ZNF560: variants seen among roughly 807,000 people sequenced by gnomAD.
The protein encoded by ZNF560 is zinc finger protein 560.
Under a neutral mutation model 81.8 loss-of-function variants are expected in ZNF560, and 54 were observed. That is an observed-to-expected ratio of 0.66 (90% CI 0.53 to 0.83). The LOEUF (loss-of-function observed/expected upper bound fraction) is 0.83. Among genes scored for constraint, ZNF560 ranks in the 40% least tolerant of loss-of-function variants. ZNF560 has a pLI of 0.00. For missense variants in ZNF560, 940 were observed against 932.4 expected, an observed-to-expected ratio of 1.01 and a Z score of -0.11; for synonymous variants, 321 against 317.9, an observed-to-expected ratio of 1.01 and a Z score of -0.10.
At chr19:9,485,478 G>T (rs1030718676) in intron 2 of ZNF560, among the ~76,000 whole-genome samples, 2 of 146,548 alleles carry the variant, frequency 1.4e-5, no homozygotes, top group Non-Finnish European at 3.0e-5. Flanking sequence ...CTGCACTCCA[G>T]CCTGGACGAC....
At chr19:9,460,584 G>T in the ZNF560 span, among the ~76,000 whole-genome samples, 1 of 152,074 alleles carries the variant, frequency 6.6e-6, no homozygotes, top group Non-Finnish European at 1.5e-5. Flanking sequence ...ATTTCTTTAG[G>T]ATTTAAGCAT....
chr19:9,488,593 A>G (rs1192326542), intron 2 of ZNF560, among the ~76,000 whole-genome samples: 1 of 152,030 alleles, frequency 6.6e-6, no homozygotes, highest in African/African-American at 2.4e-5. Flanking sequence ...ATACAACATA[A>G]TGCAAGAGAA....
chr19:9,472,354 G>A (rs1271284729), intron 5 of ZNF560, among the ~76,000 whole-genome samples: 1 of 152,150 alleles, frequency 6.6e-6, no homozygotes, highest in East Asian at 1.9e-4. Flanking sequence ...CGGAGCCATG[G>A]ACCAGAACCA....
the ZNF560 span, among the ~76,000 whole-genome samples, chr19:9,460,124 A>G: frequency 6.6e-6 from 1 of 152,192 alleles, no homozygotes; most frequent in African/African-American, 2.4e-5. Flanking sequence ...TGCCATCGAG[A>G]TATCTAAAGC....
chr19:9,446,043 C>G, the ZNF560 span, among the ~76,000 whole-genome samples: 1 of 151,926 alleles, frequency 6.6e-6, no homozygotes, highest in Non-Finnish European at 1.5e-5. Context: ...TAGAAACCAC[C>G]CCTCCCACCC....
At chr19:9,462,203 C>T (rs1361236788), downstream of ZNF560, among the ~76,000 whole-genome samples, 2 of 152,184 alleles carry the variant, frequency 1.3e-5, no homozygotes, top group Non-Finnish European at 2.9e-5. Context: ...GTGACATGCT[C>T]GTGATGGTTA....
At chr19:9,502,984 CT>C (rs1164003816), upstream of ZNF560, among the ~76,000 whole-genome samples, 3 of 151,924 alleles carry the variant, frequency 2.0e-5, no homozygotes, top group Admixed American at 6.6e-5. Flanking sequence ...TTCCTTTCTT[CT>C]GTTAGATTAG....
At chr19:9,489,568 G>T (rs1311708604) in intron 2 of ZNF560, among the ~76,000 whole-genome samples, 1 of 152,178 alleles carries the variant, frequency 6.6e-6, no homozygotes, top group Non-Finnish European at 1.5e-5. Flanking sequence ...ACAGTTGGGT[G>T]GCCGGGAACT....
At chr19:9,504,652 G>A in the ZNF560 span, among the ~76,000 whole-genome samples, 2 of 152,106 alleles carry the variant, frequency 1.3e-5, no homozygotes, top group Non-Finnish European at 2.9e-5. Context: ...TATTAAAAGT[G>A]TCATATATAA....
At chr19:9,496,089 C>A (rs529063514) in intron 2 of ZNF560, among the ~76,000 whole-genome samples, 1 of 152,272 alleles carries the variant, frequency 6.6e-6, no homozygotes, top group Admixed American at 6.5e-5. Flanking sequence ...TAGTAATACA[C>A]TTATAAAAAT....
the ZNF560 span, among the ~76,000 whole-genome samples, chr19:9,446,396 A>ACACACACG: frequency 1.4e-5 from 2 of 142,508 alleles, no homozygotes; most frequent in African/African-American, 5.9e-5. Context: ...ACACACACAC[A>ACACACACG]CACACACACA....
chr19:9,455,076 T>A, the ZNF560 span, among the ~76,000 whole-genome samples: 1 of 152,242 alleles, frequency 6.6e-6, no homozygotes, highest in East Asian at 1.9e-4. Context: ...CGCCCTCAGT[T>A]CTATTCAGGC....
intron 3 of ZNF560, 21 bp from the exon 4 acceptor site, chr19:9,474,346 T>G: frequency 6.3e-7 from 1 of 1,595,382 alleles, no homozygotes; most frequent in Non-Finnish European, 8.5e-7. Flanking sequence ...ACATACATGT[T>G]GATTTGAGCC....
chr19:9,478,033 A>G (rs2073229623), intron 2 of ZNF560, among the ~76,000 whole-genome samples: 1 of 152,218 alleles, frequency 6.6e-6, no homozygotes, highest in East Asian at 1.9e-4. Flanking sequence ...ATCCATACTC[A>G]GGAAGGGCAA....
At chr19:9,483,644 G>A (rs1414375170) in intron 2 of ZNF560, among the ~76,000 whole-genome samples, 1 of 138,244 alleles carries the variant, frequency 7.2e-6, no homozygotes, top group African/African-American at 2.7e-5. Flanking sequence ...CCAGCCCCCC[G>A]CCGGCCAGCC....
chr19:9,473,574 A>G (rs1445723819), intron 4 of ZNF560, among the ~76,000 whole-genome samples: 1 of 151,870 alleles, frequency 6.6e-6, no homozygotes, highest in Non-Finnish European at 1.5e-5. Flanking sequence ...GCAAAATTCC[A>G]TCTCAAAAAA....
chr19:9,451,674 G>A, the ZNF560 span, among the ~76,000 whole-genome samples: 1 of 152,162 alleles, frequency 6.6e-6, no homozygotes, highest in Non-Finnish European at 1.5e-5. Flanking sequence ...AAGAGAGTTA[G>A]ACAACCTACA....
At chr19:9,483,215 G>C (rs1213668853) in intron 2 of ZNF560, among the ~76,000 whole-genome samples, 3 of 151,974 alleles carry the variant, frequency 2.0e-5, no homozygotes, top group Non-Finnish European at 4.4e-5. Context: ...TCTAGGAAGA[G>C]AGGAGCGTCT....
chr19:9,499,507 T>A (rs1332571061), upstream of ZNF560, among the ~76,000 whole-genome samples: 3 of 148,982 alleles, frequency 2.0e-5, no homozygotes, highest in Non-Finnish European at 4.5e-5. Context: ...CCTTATTGTA[T>A]TTTTTTTTCT....
Sources: gnomAD v4.1 joint callset for allele counts (sites outside exome capture counted in the v4.1 genomes callset) on GRCh38, gnomAD v4.1.1 for gene constraint, MANE v1.5 for transcripts, NCBI Gene and HGNC (gene_info 2026-07-23, HGNC 2026-07-21) for gene names.